The following RNGTT variants were observed in gnomAD, a reference collection of about 807,000 sequenced individuals.
RNGTT encodes the protein RNA guanylyltransferase and 5'-phosphatase.
In RNGTT, 33 loss-of-function variants were observed where a neutral mutation model predicts 79.3. That is an observed-to-expected ratio of 0.42 (90% CI 0.32 to 0.56). RNGTT has a LOEUF of 0.56. Ranked by LOEUF, RNGTT falls within the 20% of genes least tolerant of loss-of-function variation. The pLI is 0.17. For synonymous variants in RNGTT, 222 were observed against 235.9 expected (o/e 0.94, Z 0.54); for missense variants, 497 against 739.1 (o/e 0.67, Z 3.80).
chr6:88,958,835 A>G (rs898900579), intron 1 of RNGTT, among the ~76,000 whole-genome samples: 3 of 152,226 alleles, frequency 2.0e-5, no homozygotes, highest in Non-Finnish European at 2.9e-5. Flanking sequence ...CTACCATTTG[A>G]TCCAGCAATC....
At chr6:88,615,417 C>T (rs1039146459) in intron 14 of RNGTT, among the ~76,000 whole-genome samples, 1 of 152,176 alleles carries the variant, frequency 6.6e-6, no homozygotes, top group African/African-American at 2.4e-5. Flanking sequence ...ATTCCTTTCC[C>T]TTTACATTTG....
intron 8 of RNGTT, among the ~76,000 whole-genome samples, chr6:88,877,764 T>G (rs972894000): frequency 6.6e-6 from 1 of 152,194 alleles, no homozygotes; most frequent in Non-Finnish European, 1.5e-5. Flanking sequence ...CAATAAACAG[T>G]GTTTCTGAGT....
chr6:88,785,259 C>T (rs533209751), intron 12 of RNGTT, among the ~76,000 whole-genome samples: 16 of 151,928 alleles, frequency 1.1e-4, no homozygotes, highest in African/African-American at 3.9e-4. Context: ...TATTTATTTC[C>T]CCTTTCTCTG....
At chr6:88,737,136 T>C (rs936460490) in intron 13 of RNGTT, among the ~76,000 whole-genome samples, 5 of 152,218 alleles carry the variant, frequency 3.3e-5, no homozygotes, top group African/African-American at 1.2e-4. Flanking sequence ...TGGACTTGTT[T>C]GGGACATAAC....
At position 88,677,979 on chromosome 6, in the gene RNGTT, CTTTTTTT is replaced by C. The variant is rs34263662; in HGVS notation, c.1506+367_1506+373del. On this transcript the variant is annotated intron_variant, in intron 14 of 15. Transcript: ENST00000369485. ...TTATGAAATTATCACCTCACATTCA[CTTTTTTT>C]TTTTTTTTTTTTTTTTTGAGACAGG... is the stretch of plus-strand genomic sequence containing the variant. 4.5e-4 allele frequency: 34 copies of C among 76,346 alleles called. 1 individual carries two copies. The highest frequency in any genetic ancestry group is 1.2e-3 in the African/African-American group (21 of 17,894). The allele number at this position is 76,346 out of a possible 1,614,324, so 4.7% of individuals were successfully genotyped here.
At chr6:88,775,383 T>A (rs1778842653) in intron 12 of RNGTT, among the ~76,000 whole-genome samples, 2 of 152,114 alleles carry the variant, frequency 1.3e-5, no homozygotes, top group Non-Finnish European at 2.9e-5. Flanking sequence ...TTAACCTACA[T>A]CTCCCCAACT....
intron 12 of RNGTT, among the ~76,000 whole-genome samples, chr6:88,786,702 C>T (rs944020167): frequency 1.3e-5 from 2 of 152,082 alleles, no homozygotes; most frequent in Admixed American, 1.3e-4. Context: ...GAAGAAAATA[C>T]CAAAGTTTTT....
rs1554229134 is a variant in RNGTT, at chr6:88,899,269, C to CT, written c.684+5445dup. On this transcript the variant is annotated intron_variant, in intron 6 of 15. Transcript: ENST00000369485. ...CAAAAAGAGAGAAAGAAGGTTTCGGCTTTTTTTTTTTGAGACAGCCTATCA... is the reference window on the plus strand; with the variant it reads ...CAAAAAGAGAGAAAGAAGGTTTCGGCTTTTTTTTTTTTGAGACAGCCTATCA... Among the ~76,000 whole-genome samples the CT allele has an allele frequency of 6.4e-3, 926 of 143,732 alleles. 9 individuals are homozygous for CT. Among genetic ancestry groups the CT allele is most frequent in the Middle Eastern group, 0.021 (6 of 280 alleles). The allele number at this position is 143,732 out of a possible 152,430, so 94.3% of individuals were successfully genotyped here. A position where few individuals can be genotyped will look rare whatever the true frequency, so the allele number is the denominator to read the frequency against.
intron 14 of RNGTT, among the ~76,000 whole-genome samples, chr6:88,649,565 C>T (rs1450020538): frequency 1.3e-5 from 2 of 151,938 alleles, no homozygotes; most frequent in African/African-American, 4.8e-5. Flanking sequence ...GGCGTGGTGG[C>T]GGGCACCTGT....
chr6:88,685,360 G>A (rs952958983), intron 13 of RNGTT, among the ~76,000 whole-genome samples: 1 of 152,116 alleles, frequency 6.6e-6, no homozygotes, highest in Non-Finnish European at 1.5e-5. Context: ...AACATGATAA[G>A]GGAAACTGTA....
intron 8 of RNGTT, among the ~76,000 whole-genome samples, chr6:88,887,499 GA>G (rs1782905504): frequency 6.6e-6 from 1 of 152,052 alleles, no homozygotes; most frequent in Admixed American, 6.5e-5. Flanking sequence ...TTCTCTCCCA[GA>G]AAAAAGTATC....
chr6:88,640,161 T>C (rs1329942405), intron 14 of RNGTT, among the ~76,000 whole-genome samples: 1 of 152,162 alleles, frequency 6.6e-6, no homozygotes, highest in African/African-American at 2.4e-5. Flanking sequence ...TCCCAGTGCC[T>C]ATCAAAGTAC....
intron 13 of RNGTT, among the ~76,000 whole-genome samples, chr6:88,709,257 A>G (rs1776242054): frequency 6.6e-6 from 1 of 151,908 alleles, no homozygotes; most frequent in African/African-American, 2.4e-5. Flanking sequence ...GTGAGCCAAG[A>G]TTGCACCACT....
intron 12 of RNGTT, among the ~76,000 whole-genome samples, chr6:88,784,387 C>T (rs1249370333): frequency 1.3e-5 from 2 of 151,974 alleles, no homozygotes; most frequent in Non-Finnish European, 2.9e-5. Flanking sequence ...GCTTTGAGGC[C>T]AATGGGAATA....
At chr6:88,783,085 T>G (rs1466650663) in intron 12 of RNGTT, among the ~76,000 whole-genome samples, 2 of 152,174 alleles carry the variant, frequency 1.3e-5, no homozygotes, top group African/African-American at 4.8e-5. Flanking sequence ...TGAAGAGATA[T>G]CTGCTCTCTC....
chr6:88,701,077 C>G (rs1263124043), intron 13 of RNGTT, among the ~76,000 whole-genome samples: 1 of 148,760 alleles, frequency 6.7e-6, no homozygotes, highest in East Asian at 2.0e-4. Flanking sequence ...ATGAATGTTA[C>G]GTATGGAAGA....
In RNGTT at chr6:88,957,086, A is replaced by T. The variant is rs1304413489; in HGVS notation, c.64+6260T>A. 2.0e-5 allele frequency among the ~76,000 whole-genome samples: 3 copies of T among 152,212 alleles called. No homozygotes were observed. The East Asian group carries it at 5.8e-4, about 29-fold the overall frequency. ...TGTGATACGTCACATAAACAGAATT[A>T]AAAACAAAAATCACATGATCATCTC... On this transcript the variant is annotated intron_variant, in intron 1 of 15. Transcript: ENST00000369485.
Position 88,946,889 on chromosome 6 carries a change from G to A in RNGTT, c.65-5709C>T, listed in dbSNP as rs1404362410. Among the ~76,000 whole-genome samples the A allele has an allele frequency of 2.0e-4, 26 of 132,980 alleles. No individual in the cohort carries two copies. In the East Asian group the frequency reaches 2.0e-3, roughly 10 times the overall value. The allele number at this position is 132,980 out of a possible 152,430, so 87.2% of individuals were successfully genotyped here. A position where few individuals can be genotyped will look rare whatever the true frequency, so the allele number is the denominator to read the frequency against. ...TCCAGCCCCTAACCGCGAGTGATCC[G>A]CCAACCTCGGCCTCCCGAGGTGCCG... On this transcript the variant is annotated intron_variant, in intron 1 of 15. Coordinates refer to ENST00000369485, the MANE Select transcript of RNGTT (RefSeq NM_003800.5).
intron 13 of RNGTT, among the ~76,000 whole-genome samples, chr6:88,765,427 T>C (rs1278644273): frequency 6.6e-6 from 1 of 152,212 alleles, no homozygotes; most frequent in African/African-American, 2.4e-5. Flanking sequence ...TATTGAGTTT[T>C]ATGCTGAATT....
Sources: gnomAD v4.1 joint callset for allele counts (sites outside exome capture counted in the v4.1 genomes callset) on GRCh38, gnomAD v4.1.1 for gene constraint, MANE v1.5 for transcripts, NCBI Gene and HGNC (gene_info 2026-07-23, HGNC 2026-07-21) for gene names.